Variants in ZFHX4 observed in about 807,000 individuals in gnomAD.
ZFHX4 encodes the protein zinc finger homeobox 4, also known as zinc finger homeobox protein 4.
In ZFHX4, 56 loss-of-function variants were observed where a neutral mutation model predicts 267.6. The ratio of observed to expected loss-of-function variants is 0.21; its 90% CI spans 0.17 to 0.26. The LOEUF is 0.26. Among genes scored for constraint, ZFHX4 ranks in the 10% least tolerant of loss-of-function variants. The pLI is 1.00. For missense variants in ZFHX4, 4,332 were observed against 4,420.0 expected (o/e 0.98, Z 0.56); for synonymous variants, 1,778 against 1,665.6 (o/e 1.07, Z -1.64).
At chr8:76,712,431 A>G (rs1020752607) in intron 3 of ZFHX4, among the ~76,000 whole-genome samples, 5 of 152,106 alleles carry the variant, frequency 3.3e-5, no homozygotes, top group Non-Finnish European at 7.4e-5. Context: ...TAACCCGATC[A>G]GTTTGGAATT....
chr8:76,742,225 C>T (rs1393232787), intron 3 of ZFHX4, among the ~76,000 whole-genome samples: 2 of 152,188 alleles, frequency 1.3e-5, no homozygotes, highest in African/African-American at 2.4e-5. Context: ...CCAAATTCCA[C>T]TCTTGACACC....
Position 76,853,204 on chromosome 8 carries a change from C to A in ZFHX4, c.6283C>A (p.Leu2095Ile), listed in dbSNP as rs1256633009. Residue 2095 changes from leucine (L) to isoleucine (I), a missense_variant, in exon 10 of 11, where the codon CTT becomes ATT. Around this residue, in one of 7 missense-constraint regions of ZFHX4, gnomAD observed 1,371 missense variants for 1,423.1 expected, o/e 0.96. Coordinates refer to ENST00000651372, the MANE Select transcript of ZFHX4 (RefSeq NM_024721.5). Reference sequence around the variant, plus strand: ...GCAACACCCTGCGCTTCCTCCCCAGCTTGCCCTGCAGCTGCCACAGATGGA... The same window carrying A: ...GCAACACCCTGCGCTTCCTCCCCAGATTGCCCTGCAGCTGCCACAGATGGA... ...PVQHPALPPQ[L>I]ALQLPQMDAL... The A allele has an allele frequency of 6.4e-7, 1 of 1,560,570 alleles. No individual in the cohort carries two copies. Among genetic ancestry groups the A allele is most frequent in the Admixed American group, 1.9e-5 (1 of 51,616 alleles).
intron 4 of ZFHX4, among the ~76,000 whole-genome samples, chr8:76,820,092 C>A (rs1811609928): frequency 6.6e-6 from 1 of 152,170 alleles, no homozygotes; most frequent in Non-Finnish European, 1.5e-5. Context: ...GTCCTAGTAA[C>A]AGCATTGTTA....
intron 1 of ZFHX4, among the ~76,000 whole-genome samples, chr8:76,684,673 T>C (rs1214404899): frequency 6.6e-6 from 1 of 152,214 alleles, no homozygotes; most frequent in Non-Finnish European, 1.5e-5. Context: ...TAGACAGGGA[T>C]AGTGGACTCT....
intron 3 of ZFHX4, among the ~76,000 whole-genome samples, chr8:76,741,784 T>A (rs1271703678): frequency 6.6e-6 from 1 of 150,526 alleles, no homozygotes; most frequent in Admixed American, 6.6e-5. Flanking sequence ...CTAAAACCAC[T>A]TTTTTTCAGA....
intron 1 of ZFHX4, among the ~76,000 whole-genome samples, chr8:76,691,576 ACATTTTAGGTATTT>A (rs1422704803): frequency 6.6e-6 from 1 of 152,108 alleles, no homozygotes; most frequent in African/African-American, 2.4e-5. Context: ...ATTTAAACTT[ACATTTTAGGTATTT>A]TAACACCTAC....
At chr8:76,735,450 TA>T (rs1328321925) in intron 3 of ZFHX4, among the ~76,000 whole-genome samples, 2 of 152,134 alleles carry the variant, frequency 1.3e-5, no homozygotes, top group Non-Finnish European at 2.9e-5. Context: ...AAATTAGCAA[TA>T]TTTTTTTGAT....
chr8:76,801,666 C>G (rs1164431068), intron 4 of ZFHX4, among the ~76,000 whole-genome samples: 1 of 152,152 alleles, frequency 6.6e-6, no homozygotes, highest in Non-Finnish European at 1.5e-5. Flanking sequence ...CACGTACTTT[C>G]ATTTGGCGTT....
chr8:76,757,859 G>A (rs976615819), intron 3 of ZFHX4, among the ~76,000 whole-genome samples: 1 of 152,180 alleles, frequency 6.6e-6, no homozygotes, highest in Non-Finnish European at 1.5e-5. Flanking sequence ...TGCGTAGCAA[G>A]AGGCTCCTCC....
chr8:76,846,865 C>T (rs1297743266), intron 6 of ZFHX4, among the ~76,000 whole-genome samples: 1 of 152,080 alleles, frequency 6.6e-6, no homozygotes, highest in African/African-American at 2.4e-5. Flanking sequence ...CTGCAAGCAA[C>T]TAAGTCATGG....
Position 76,863,255 on chromosome 8 carries a change from C to A in ZFHX4, c.9541C>A (p.Gln3181Lys), listed in dbSNP as rs766509502. 1 of 1,603,600 alleles carries A rather than the reference C, an allele frequency of 6.2e-7. No individual in the cohort carries two copies. The highest frequency in any genetic ancestry group is 2.3e-5 in the East Asian group (1 of 44,444). The change falls in exon 11 of 11, where the codon CAG (glutamine) becomes AAG (lysine). Residue 3181 changes from glutamine to lysine, a missense_variant. Around this residue, in one of 7 missense-constraint regions of ZFHX4, gnomAD observed 1,648 missense variants for 1,625.0 expected, o/e 1.01. Transcript: ENST00000651372. ...PPPSSSLSGQ[Q>K]TEQQNKESEK... is the part of the protein sequence containing the mutation. ...TCCTTCATCCTCTCTGTCAGGACAG[C>A]AGACCGAGCAACAGAACAAAGAATC...
chr8:76,706,159 A>G lies in ZFHX4; in HGVS notation c.2071A>G (p.Ser691Gly). Residue 691 changes from serine (S) to glycine (G), a missense_variant, in exon 2 of 11, where the codon AGT (serine) becomes GGT (glycine). Coordinates refer to ENST00000651372, the MANE Select transcript of ZFHX4 (RefSeq NM_024721.5). ...QPHPRLARGE[S>G]YTCGYKPFRC... ...TCACCCCAGGCTTGCCCGGGGTGAG[A>G]GTTACACGTGTGGCTATAAACCCTT... The G allele has an allele frequency of 2.5e-6, 4 of 1,614,006 alleles. No homozygotes were observed. Among genetic ancestry groups the G allele is most frequent in the Non-Finnish European group, 3.4e-6 (4 of 1,179,988 alleles).
rs1349135085 is a variant in ZFHX4 at position 76,706,543 on chromosome 8, G to C, written c.2455G>C (p.Glu819Gln). Reference sequence around the variant, plus strand: ...CTTGGGCCTCGCCCCGGCGGAAGCAGAGCTTTATCAGTACTACCTAGCCCA... The same window carrying C: ...CTTGGGCCTCGCCCCGGCGGAAGCACAGCTTTATCAGTACTACCTAGCCCA... ...LHLGLAPAEA[E>Q]LYQYYLAQNI... is the part of the protein sequence containing the mutation. The change falls in exon 2 of 11, where the codon GAG becomes CAG. Residue 819 changes from glutamate (E) to glutamine (Q), a missense_variant. Physicochemically the swap from Glu to Gln is conservative, Grantham distance 29. Around this residue, in one of 7 missense-constraint regions of ZFHX4, gnomAD observed 1,195 missense variants for 1,173.6 expected, o/e 1.02. Coordinates refer to ENST00000651372, the MANE Select transcript of ZFHX4 (RefSeq NM_024721.5). 1.9e-6 allele frequency: 3 copies of C among 1,613,040 alleles called. No homozygotes were observed. In the African/African-American group the frequency reaches 4.0e-5, roughly 22 times the overall value.
chr8:76,843,277 G>A (rs1812284084), intron 6 of ZFHX4, among the ~76,000 whole-genome samples: 2 of 152,196 alleles, frequency 1.3e-5, no homozygotes, highest in South Asian at 4.1e-4. Flanking sequence ...CTTTTTTAGG[G>A]CATCTATTTG....
intron 3 of ZFHX4, among the ~76,000 whole-genome samples, chr8:76,731,498 G>T (rs1164481478): frequency 6.6e-6 from 1 of 152,190 alleles, no homozygotes; most frequent in Non-Finnish European, 1.5e-5. Context: ...AGCAATGGGA[G>T]ACTGTGATGC....
chr8:76,833,451 G>C lies in ZFHX4; in HGVS notation c.3394+45G>C. 3 of 1,473,250 alleles carry C rather than the reference G, an allele frequency of 2.0e-6. No homozygotes were observed. The South Asian group carries it at 3.6e-5, about 18-fold the overall frequency. 91.3% of individuals were successfully genotyped at this position (1,473,250 alleles called of 1,614,324 possible). A position where few individuals can be genotyped will look rare whatever the true frequency, so the allele number is the denominator to read the frequency against. On this transcript the variant is annotated intron_variant, in intron 5 of 10. Transcript: ENST00000651372. Reference sequence around the variant, plus strand: ...CTCAAAATATTTCCTTGTCCTAAATGAGTTGCTTTTGTTACTCTCATAATT... The same window carrying C: ...CTCAAAATATTTCCTTGTCCTAAATCAGTTGCTTTTGTTACTCTCATAATT...
chr8:76,823,818 A>G (rs1326935938), intron 4 of ZFHX4, among the ~76,000 whole-genome samples: 1 of 152,262 alleles, frequency 6.6e-6, no homozygotes. Flanking sequence ...CACAAAATAA[A>G]TAACCCAACC....
At chr8:76,859,289 A>C (rs1198632535) in intron 10 of ZFHX4, among the ~76,000 whole-genome samples, 2 of 152,124 alleles carry the variant, frequency 1.3e-5, no homozygotes, top group Non-Finnish European at 2.9e-5. Flanking sequence ...AACAGTGGCC[A>C]GCCCTGTGTT....
intron 3 of ZFHX4, among the ~76,000 whole-genome samples, chr8:76,771,414 C>CT (rs1318158687): frequency 3.3e-5 from 5 of 151,748 alleles, no homozygotes; most frequent in East Asian, 1.9e-4. Flanking sequence ...GTTTTCTTCT[C>CT]TTTTTTTTCT....
Sources: allele counts gnomAD v4.1 joint callset (sites outside exome capture counted in the v4.1 genomes callset), GRCh38; gene constraint gnomAD v4.1.1; regional missense constraint gnomAD v4.1.1; transcripts MANE v1.5; gene names NCBI Gene and HGNC (gene_info 2026-07-23, HGNC 2026-07-21).